Variants in WASL observed in about 807,000 individuals in gnomAD.
The protein encoded by WASL is WASP like actin nucleation promoting factor, also known as actin nucleation-promoting factor WASL.
In WASL, 20 loss-of-function variants were observed where a neutral mutation model predicts 55.5. The ratio of observed to expected loss-of-function variants is 0.36; its 90% CI spans 0.25 to 0.52. The LOEUF is 0.52. WASL is among the 20% of genes least tolerant of loss of function. WASL has a pLI of 0.92. For synonymous variants in WASL, 249 were observed against 217.6 expected, an observed-to-expected ratio of 1.14 and a Z score of -1.27; for missense variants, 504 against 622.5, an observed-to-expected ratio of 0.81 and a Z score of 2.03.
At chr7:123,713,965 T>G (rs1233795194) in intron 1 of WASL, among the ~76,000 whole-genome samples, 1 of 152,248 alleles carries the variant, frequency 6.6e-6, no homozygotes, top group East Asian at 1.9e-4. Flanking sequence ...GTGTGAACTT[T>G]GGTATCTGTG....
chr7:123,699,340 T>C (rs1803541267), intron 5 of WASL, among the ~76,000 whole-genome samples: 2 of 152,012 alleles, frequency 1.3e-5, no homozygotes, highest in Non-Finnish European at 2.9e-5. Context: ...ATTGCGCCAC[T>C]GACTCCAGCC....
intron 8 of WASL, among the ~76,000 whole-genome samples, chr7:123,693,737 G>A (rs1429020737): frequency 4.6e-5 from 7 of 152,144 alleles, no homozygotes; most frequent in East Asian, 1.9e-4. Context: ...AGGCCAAAGC[G>A]GGAGGATCAC....
intron 3 of WASL, 98 bp from the exon 4 acceptor site, chr7:123,706,471 G>A (rs753656550): frequency 1.4e-5 from 17 of 1,194,448 alleles, no homozygotes; most frequent in African/African-American, 1.5e-5. Context: ...TCTAAAGAAC[G>A]AAAGGTTAAT....
intron 1 of WASL, among the ~76,000 whole-genome samples, chr7:123,730,492 A>T (rs1019676085): frequency 6.6e-6 from 1 of 152,210 alleles, no homozygotes; most frequent in African/African-American, 2.4e-5. Flanking sequence ...ATTCGATACT[A>T]GATTGAGATT....
At chr7:123,738,182 T>C (rs1255353711) in intron 1 of WASL, among the ~76,000 whole-genome samples, 4 of 146,268 alleles carry the variant, frequency 2.7e-5, no homozygotes, top group Non-Finnish European at 6.1e-5. Context: ...TAATTACACA[T>C]AAATATAACT....
At chr7:123,740,099 TAATA>T (rs1804311119) in intron 1 of WASL, among the ~76,000 whole-genome samples, 1 of 152,130 alleles carries the variant, frequency 6.6e-6, no homozygotes, top group Non-Finnish European at 1.5e-5. Context: ...TACGTTTCAC[TAATA>T]AAAATCATTT....
chr7:123,706,902 T>C, intron 2 of WASL, 76 bp from the exon 3 acceptor site: 1 of 849,472 alleles, frequency 1.2e-6, no homozygotes, highest in Non-Finnish European at 1.8e-6. Context: ...AGATGACTCA[T>C]ATTAAGAAAA....
intron 5 of WASL, among the ~76,000 whole-genome samples, chr7:123,700,905 A>G (rs1803578975): frequency 6.6e-6 from 1 of 152,218 alleles, no homozygotes; most frequent in Non-Finnish European, 1.5e-5. Flanking sequence ...CAACTTACAG[A>G]ATTTAGAAAA....
chr7:123,686,203 T>A (rs1377153529), intron 10 of WASL, among the ~76,000 whole-genome samples: 5 of 151,728 alleles, frequency 3.3e-5, no homozygotes, highest in Admixed American at 6.6e-5. Context: ...TTATTTATTA[T>A]TTATTTATTT....
rs754964140 is a variant in WASL at position 123,706,728 on chromosome 7, A to G, written c.339+12T>C. The G allele has an allele frequency of 1.2e-5, 19 of 1,542,276 alleles. No individual in the cohort carries two copies. Among genetic ancestry groups the G allele is most frequent in the Non-Finnish European group, 1.7e-5 (19 of 1,143,322 alleles). ...AAAAGTAAAGATGGCAATAAAGAAAAATATGACTTACATCTCCAGCAAAGG... is the reference window on the plus strand; with the variant it reads ...AAAAGTAAAGATGGCAATAAAGAAAGATATGACTTACATCTCCAGCAAAGG... On this transcript the variant is annotated intron_variant, in intron 3 of 10. Coordinates refer to ENST00000223023, the MANE Select transcript of WASL (RefSeq NM_003941.4).
intron 6 of WASL, 86 bp from the exon 7 acceptor site, chr7:123,695,951 T>G (rs942574599): frequency 9.4e-6 from 13 of 1,384,704 alleles, no homozygotes; most frequent in East Asian, 4.8e-5. Context: ...CAATCTACAT[T>G]TGGCTTTGAA....
In WASL at chr7:123,684,563, C is replaced by T; in HGVS notation, c.1474G>A (p.Asp492Asn). The part of the protein sequence containing the change: ...IHSSDEDEDE[D>N]DEEDFEDDDE... The stretch of plus-strand genomic sequence containing the variant: ...TCATCCTCAAAATCTTCTTCATCAT[C>T]TTCATCTTCATCTTCATCTACAAGA... The change falls in exon 11 of 11, where the codon GAT becomes AAT. Residue 492 changes from aspartate (D) to asparagine (N), a missense_variant. Coordinates refer to ENST00000223023, the MANE Select transcript of WASL (RefSeq NM_003941.4). 7.0e-7 allele frequency: 1 copy of T among 1,437,132 alleles called. No individual in the cohort carries two copies. Among genetic ancestry groups the T allele is most frequent in the Admixed American group, 2.0e-5 (1 of 49,346 alleles). The allele number at this position is 1,437,132 out of a possible 1,614,324, so 89.0% of individuals were successfully genotyped here.
At chr7:123,742,098 A>C (rs3807635) in intron 1 of WASL, among the ~76,000 whole-genome samples, 65,897 of 152,056 alleles carry the variant, frequency 0.43, 14,816 homozygotes, top group South Asian at 0.66. Context: ...TGAAAGAGAC[A>C]CTGTTCAAAA....
chr7:123,698,772 G>A (rs900457833), intron 5 of WASL, among the ~76,000 whole-genome samples: 2 of 152,166 alleles, frequency 1.3e-5, no homozygotes, highest in South Asian at 4.1e-4. Context: ...ACCTGAAAGG[G>A]TGATTAGGAT....
intron 1 of WASL, among the ~76,000 whole-genome samples, chr7:123,738,574 C>A (rs1804276969): frequency 6.6e-6 from 1 of 152,106 alleles, no homozygotes; most frequent in South Asian, 2.1e-4. Context: ...CCAATTTTTT[C>A]TTCACGTTTC....
chr7:123,738,835 G>A (rs553388016), intron 1 of WASL, among the ~76,000 whole-genome samples: 1 of 151,996 alleles, frequency 6.6e-6, no homozygotes, highest in East Asian at 1.9e-4. Context: ...ATTGTCTTGA[G>A]TCACACACAA....
chr7:123,706,360 G>C lies in WASL; in HGVS notation c.353C>G (p.Ala118Gly), dbSNP rs1370936826. 1 of 1,613,116 alleles carries C rather than the reference G, an allele frequency of 6.2e-7. No homozygotes were observed. Among genetic ancestry groups the C allele is most frequent in the African/African-American group, 1.3e-5 (1 of 74,798 alleles). The change falls in exon 4 of 11, where the codon GCT becomes GGT. Residue 118 changes from alanine to glycine, a missense_variant. Physicochemically the swap from Ala to Gly is moderately conservative, Grantham distance 60. This residue lies in a region of WASL where 230 missense variants were observed against 271.9 expected (regional missense o/e 0.85). Coordinates refer to ENST00000223023, the MANE Select transcript of WASL (RefSeq NM_003941.4). Reference sequence around the variant, plus strand: ...TTCTTCTTCATTGGCAAAATTAAGAGCAACTTGACAAGTCTGAAATATTTT... The same window carrying C: ...TTCTTCTTCATTGGCAAAATTAAGACCAACTTGACAAGTCTGAAATATTTT... ...HTFAGDTCQV[A>G]LNFANEEEAK...
At position 123,692,537 on chromosome 7, in the gene WASL, G is replaced by A. The variant is rs773128743; in HGVS notation, c.1157C>T (p.Pro386Leu). Residue 386 changes from proline (P) to leucine (L), a missense_variant, in exon 9 of 11, where the codon CCG becomes CTG. Pro to Leu is a moderately conservative substitution (Grantham distance 98). Around this residue, in one of 5 missense-constraint regions of WASL, gnomAD observed 201 missense variants for 206.2 expected, o/e 0.97. Coordinates refer to ENST00000223023, the MANE Select transcript of WASL (RefSeq NM_003941.4). ...ATCAGAAGGCAGGCCAGGCGGGGGC[G>A]GTGGCCCAGGAGGAGGTGGAGGTGG... Reference protein sequence around the residue: ...PPPPPPPPGPPPPPGLPSDGD... With the variant: ...PPPPPPPPGPLPPPGLPSDGD... 5.6e-6 allele frequency: 9 copies of A among 1,613,964 alleles called. No homozygotes were observed. Among genetic ancestry groups the A allele is most frequent in the South Asian group, 1.1e-5 (1 of 91,074 alleles).
intron 1 of WASL, among the ~76,000 whole-genome samples, chr7:123,718,498 A>G (rs1200120869): frequency 6.6e-6 from 1 of 152,228 alleles, no homozygotes. Context: ...TAGGTGGGTA[A>G]TGACAATGAG....
Sources: allele counts gnomAD v4.1 joint callset (sites outside exome capture counted in the v4.1 genomes callset), GRCh38; gene constraint gnomAD v4.1.1; regional missense constraint gnomAD v4.1.1; transcripts MANE v1.5; gene names NCBI Gene and HGNC (gene_info 2026-07-23, HGNC 2026-07-21).